The following FRAS1 variants were observed in gnomAD, a reference collection of about 807,000 sequenced individuals.
The protein encoded by FRAS1 is extracellular matrix organizing protein FRAS1.
In FRAS1, 290 loss-of-function variants were observed where a neutral mutation model predicts 435.2. That is an observed-to-expected ratio of 0.67 (90% CI 0.61 to 0.73). The LOEUF (loss-of-function observed/expected upper bound fraction) is 0.73, where lower values mean the gene tolerates loss of function less well. Among genes scored for constraint, FRAS1 ranks in the 30% least tolerant of loss-of-function variants. The probability of loss-of-function intolerance (pLI) is 0.00; values close to 1 mark genes in which losing one functional copy is unlikely to be tolerated. For synonymous variants in FRAS1, 1,800 were observed against 1,851.0 expected (o/e 0.97, Z 0.71); for missense variants, 4,860 against 5,001.5 (o/e 0.97, Z 0.85).
intron 18 of FRAS1, among the ~76,000 whole-genome samples, chr4:78,330,680 C>T (rs1246081110): frequency 6.6e-6 from 1 of 152,174 alleles, no homozygotes; most frequent in Non-Finnish European, 1.5e-5. Flanking sequence ...CACTCCCAGG[C>T]TTATTAGGAA....
intron 2 of FRAS1, among the ~76,000 whole-genome samples, chr4:78,096,839 G>T (rs1344292367): frequency 1.3e-5 from 2 of 152,240 alleles, no homozygotes; most frequent in South Asian, 2.1e-4. Flanking sequence ...ATACGCCCTG[G>T]AGACATCTTC....
intron 9 of FRAS1, among the ~76,000 whole-genome samples, chr4:78,272,210 A>G (rs1258422461): frequency 6.6e-6 from 1 of 152,176 alleles, no homozygotes; most frequent in Non-Finnish European, 1.5e-5. Flanking sequence ...TCTGGATATT[A>G]GCCCTTTGTC....
At chr4:78,190,536 A>C (rs1722487474) in intron 2 of FRAS1, among the ~76,000 whole-genome samples, 1 of 148,246 alleles carries the variant, frequency 6.7e-6, no homozygotes, top group Admixed American at 6.8e-5. Context: ...CTTCCCACCC[A>C]CCTATCCTCT....
rs892881136 is a variant in FRAS1, at chr4:78,088,298, G to C, written c.108+22282G>C. Among the ~76,000 whole-genome samples the C allele has an allele frequency of 1.4e-4, 22 of 152,136 alleles. 1 individual carries two copies. In the South Asian group the frequency reaches 2.7e-3, roughly 19 times the overall value. ...TAATTCAAGATGGATTAAAGACTTAGATGTTAGACCTAAAACCATAAAAAC... is the reference window on the plus strand; with the variant it reads ...TAATTCAAGATGGATTAAAGACTTACATGTTAGACCTAAAACCATAAAAAC... On this transcript the variant is annotated intron_variant, in intron 2 of 73. Coordinates refer to ENST00000512123, the MANE Select transcript of FRAS1 (RefSeq NM_025074.7).
chr4:78,267,351 C>T lies in FRAS1; in HGVS notation c.900C>T (p.Gly300=), dbSNP rs777161485. The T allele has an allele frequency of 1.2e-6, 2 of 1,613,818 alleles. No individual in the cohort carries two copies. The highest frequency in any genetic ancestry group is 1.7e-6 in the Non-Finnish European group (2 of 1,179,836). The stretch of plus-strand genomic sequence containing the variant: ...GGTACCAGGACGAAATGTGGAAGGG[C>T]TCGGCCTGTGAGTTCTGCATGTGTG... ...VVRYQDEMWK[G]SACEFCMCDH... is the part of the protein sequence containing the mutation. Residue 300 remains glycine (G), a synonymous_variant, in exon 9 of 74, where the codon GGC becomes GGT. Transcript: ENST00000512123.
chr4:78,104,637 A>G (rs1160532967), intron 2 of FRAS1, among the ~76,000 whole-genome samples: 1 of 152,220 alleles, frequency 6.6e-6, no homozygotes, highest in African/African-American at 2.4e-5. Flanking sequence ...TTATTCATTC[A>G]GTCAGTTCAG....
chr4:78,218,346 G>T (rs1044916297), intron 2 of FRAS1, among the ~76,000 whole-genome samples: 15 of 151,674 alleles, frequency 9.9e-5, no homozygotes, highest in African/African-American at 3.1e-4. Context: ...GAAAGTTTGG[G>T]GTATATCTGG....
chr4:78,483,798 AAAATTATGTATGT>A (rs1720088798), intron 58 of FRAS1, among the ~76,000 whole-genome samples: 1 of 71,638 alleles, frequency 1.4e-5, no homozygotes, highest in East Asian at 1.2e-3. Flanking sequence ...ATATATATAT[AAAATTATGTATGT>A]GTGATACACA....
intron 60 of FRAS1, among the ~76,000 whole-genome samples, chr4:78,497,970 C>T (rs1230895062): frequency 6.6e-6 from 1 of 152,200 alleles, no homozygotes; most frequent in African/African-American, 2.4e-5. Context: ...GATTTATACT[C>T]TGCTGCAACT....
chr4:78,432,609 G>A lies in FRAS1; in HGVS notation c.5217+5G>A. On this transcript the variant is annotated splice_donor_5th_base_variant and intron_variant, in intron 38 of 73. Coordinates refer to ENST00000512123, the MANE Select transcript of FRAS1 (RefSeq NM_025074.7). ...AGGTCACACCTTGCTTACGTGGTAA[G>A]TTCTTCCATTTGCTGTGTTTGTTCT... The A allele has an allele frequency of 6.4e-7, 1 of 1,559,682 alleles. No homozygotes were observed. Among genetic ancestry groups the A allele is most frequent in the African/African-American group, 1.4e-5 (1 of 73,852 alleles).
intron 14 of FRAS1, among the ~76,000 whole-genome samples, chr4:78,288,685 A>G (rs933532700): frequency 1.4e-5 from 2 of 146,650 alleles, no homozygotes; most frequent in Admixed American, 1.3e-4. Context: ...AAATAAGGAG[A>G]AAAAAAAAAC....
chr4:78,072,538 C>T (rs2109861396), intron 2 of FRAS1, among the ~76,000 whole-genome samples: 1 of 152,192 alleles, frequency 6.6e-6, no homozygotes, highest in Admixed American at 6.6e-5. Flanking sequence ...ACTTCTCCAG[C>T]AGTGGGGAGA....
At chr4:78,421,837 G>T (rs377320864) in intron 33 of FRAS1, 26 bp from the exon 34 acceptor site, 83 of 1,613,136 alleles carry the variant, frequency 5.1e-5, no homozygotes, top group Non-Finnish European at 6.9e-5. Context: ...TACTGTTGAT[G>T]CTGAGGCCAA....
intron 72 of FRAS1, among the ~76,000 whole-genome samples, chr4:78,538,329 G>C (rs1721944012): frequency 6.6e-6 from 1 of 152,170 alleles, no homozygotes; most frequent in Admixed American, 6.5e-5. Flanking sequence ...TGGGGTCCTT[G>C]ATTTGTAAGT....
At chr4:78,505,940 T>G (rs1720824559) in intron 61 of FRAS1, among the ~76,000 whole-genome samples, 1 of 152,256 alleles carries the variant, frequency 6.6e-6, no homozygotes, top group Non-Finnish European at 1.5e-5. Context: ...TTGTTGATGT[T>G]GCTGCTATTC....
At chr4:78,403,731 A>G (rs141119083) in intron 30 of FRAS1, among the ~76,000 whole-genome samples, 271 of 152,256 alleles carry the variant, frequency 1.8e-3, no homozygotes, top group African/African-American at 6.4e-3. Flanking sequence ...ACCCTGTTAA[A>G]CTCATCATAA....
At chr4:78,534,047 G>C (rs527884920) in intron 70 of FRAS1, among the ~76,000 whole-genome samples, 235 of 152,168 alleles carry the variant, frequency 1.5e-3, no homozygotes, top group African/African-American at 5.1e-3. Context: ...CCTGAAAGTG[G>C]GACATGCGAT....
At chr4:78,275,588 G>T (rs1409848184) in intron 9 of FRAS1, among the ~76,000 whole-genome samples, 1 of 152,148 alleles carries the variant, frequency 6.6e-6, no homozygotes, top group African/African-American at 2.4e-5. Context: ...TAGTTTGGCT[G>T]GATATGAAAT....
intron 2 of FRAS1, among the ~76,000 whole-genome samples, chr4:78,114,422 G>T (rs1230889184): frequency 6.6e-6 from 1 of 152,132 alleles, no homozygotes; most frequent in Non-Finnish European, 1.5e-5. Context: ...ACCTTGGGAA[G>T]TATGGCCATT....
Sources: gnomAD v4.1 joint callset for allele counts (sites outside exome capture counted in the v4.1 genomes callset) on GRCh38, gnomAD v4.1.1 for gene constraint, MANE v1.5 for transcripts, NCBI Gene and HGNC (gene_info 2026-07-23, HGNC 2026-07-21) for gene names.